ALPK1: variants seen among roughly 807,000 people sequenced by gnomAD.
The protein encoded by ALPK1 is alpha-protein kinase 1.
ALPK1 carries 110 observed loss-of-function variants against 120.6 expected under a neutral mutation model. That is an observed-to-expected ratio of 0.91 (90% CI 0.78 to 1.07). ALPK1 has a LOEUF of 1.07. ALPK1 is among the 50% of genes least tolerant of loss of function. The pLI is 0.00. For missense variants in ALPK1, 1,498 were observed against 1,483.9 expected (o/e 1.01, Z -0.16); for synonymous variants, 582 against 560.3 (o/e 1.04, Z -0.55).
Position 112,432,593 on chromosome 4 carries a change from C to G in ALPK1, c.3034+12C>G. The G allele has an allele frequency of 1.2e-6, 2 of 1,603,210 alleles. No individual in the cohort carries two copies. The highest frequency in any genetic ancestry group is 1.7e-6 in the Non-Finnish European group (2 of 1,176,682). On this transcript the variant is annotated intron_variant, in intron 11 of 15. Coordinates refer to ENST00000650871, the MANE Select transcript of ALPK1 (RefSeq NM_025144.4). ...CCACCGAGCACATAGTAAGTACAAT[C>G]TTTTCAATAGTTCCCCCCTCAGGAA... is the stretch of plus-strand genomic sequence containing the variant.
intron 1 of ALPK1, among the ~76,000 whole-genome samples, chr4:112,304,554 A>G (rs559634103): frequency 9.2e-5 from 14 of 152,208 alleles, no homozygotes; most frequent in Non-Finnish European, 4.4e-5. Flanking sequence ...TCTTCTTTTG[A>G]GAAGAGTCTG....
chr4:112,392,151 A>G (rs112855497), intron 4 of ALPK1, among the ~76,000 whole-genome samples: 8 of 152,310 alleles, frequency 5.3e-5, no homozygotes, highest in African/African-American at 1.9e-4. Context: ...TACAGTCAAG[A>G]GCCCACTAAA....
intron 2 of ALPK1, among the ~76,000 whole-genome samples, chr4:112,365,675 C>T (rs1172888019): frequency 6.6e-6 from 1 of 152,042 alleles, no homozygotes; most frequent in Non-Finnish European, 1.5e-5. Context: ...CAAAATACTG[C>T]CATCATTCTT....
intron 2 of ALPK1, among the ~76,000 whole-genome samples, chr4:112,339,567 T>G (rs1729769351): frequency 6.6e-6 from 1 of 152,240 alleles, no homozygotes; most frequent in African/African-American, 2.4e-5. Context: ...ATTAAAGGAA[T>G]GTCATCAGTA....
intron 13 of ALPK1, 145 bp downstream of exon 13, chr4:112,438,791 G>C: frequency 1.1e-6 from 1 of 872,070 alleles, no homozygotes; most frequent in Non-Finnish European, 1.7e-6. Context: ...AAGAGAGAAA[G>C]AACCCTAAAG....
At chr4:112,364,249 A>G (rs2065566287) in intron 2 of ALPK1, among the ~76,000 whole-genome samples, 3 of 151,398 alleles carry the variant, frequency 2.0e-5, no homozygotes, top group African/African-American at 7.3e-5. Context: ...ATATATTTAT[A>G]TACAAAAAAT....
rs116492862 is a variant in ALPK1 at position 112,299,048 on chromosome 4, A to G, written c.-153+1579A>G. On this transcript the variant is annotated intron_variant, in intron 1 of 15. Coordinates refer to ENST00000650871, the MANE Select transcript of ALPK1 (RefSeq NM_025144.4). ...AGAACTCTTAAAGGAATGAGCATTTAAACTTTTGGTGAAAATATATTCCAT... is the reference window on the plus strand; with the variant it reads ...AGAACTCTTAAAGGAATGAGCATTTGAACTTTTGGTGAAAATATATTCCAT... Among the ~76,000 whole-genome samples the G allele has an allele frequency of 1.9e-3, 283 of 152,276 alleles. 2 individuals are homozygous for G. Among genetic ancestry groups the G allele is most frequent in the African/African-American group, 6.5e-3 (270 of 41,568 alleles).
intron 7 of ALPK1, chr4:112,426,234 A>G (rs1465707401): frequency 6.8e-6 from 2 of 293,978 alleles, no homozygotes; most frequent in East Asian, 6.0e-5. Flanking sequence ...CATATATTAC[A>G]CATATTATAT....
At chr4:112,364,621 A>G (rs1731059651) in intron 2 of ALPK1, among the ~76,000 whole-genome samples, 2 of 152,220 alleles carry the variant, frequency 1.3e-5, no homozygotes, top group Non-Finnish European at 2.9e-5. Context: ...GAATTCTATC[A>G]GACATGCAAA....
chr4:112,316,541 C>T (rs1728640652), intron 2 of ALPK1, among the ~76,000 whole-genome samples: 1 of 152,118 alleles, frequency 6.6e-6, no homozygotes, highest in African/African-American at 2.4e-5. Context: ...ATTGCTAGAT[C>T]ATATGGTAAT....
At chr4:112,329,418 G>A (rs1729261922) in intron 2 of ALPK1, among the ~76,000 whole-genome samples, 1 of 152,166 alleles carries the variant, frequency 6.6e-6, no homozygotes, top group African/African-American at 2.4e-5. Context: ...TACAATGTTT[G>A]TGTTCACTGA....
intron 1 of ALPK1, among the ~76,000 whole-genome samples, chr4:112,306,512 T>C (rs1490917878): frequency 2.6e-5 from 4 of 152,152 alleles, no homozygotes; most frequent in Admixed American, 1.3e-4. Flanking sequence ...ATCCATTTCT[T>C]CTAGATTTTC....
chr4:112,317,359 T>C (rs374554904), intron 2 of ALPK1, among the ~76,000 whole-genome samples: 70 of 152,306 alleles, frequency 4.6e-4, no homozygotes, highest in African/African-American at 1.4e-3. Context: ...CTAAGAGTTT[T>C]CTAGTTTTAA....
chr4:112,301,527 T>G (rs896920167), intron 1 of ALPK1, among the ~76,000 whole-genome samples: 1 of 152,154 alleles, frequency 6.6e-6, no homozygotes, highest in African/African-American at 2.4e-5. Flanking sequence ...TTCTGCTCTT[T>G]CTAGCTCTCT....
At chr4:112,348,735 G>A (rs901796485) in intron 2 of ALPK1, among the ~76,000 whole-genome samples, 2 of 152,240 alleles carry the variant, frequency 1.3e-5, no homozygotes, top group Admixed American at 1.3e-4. Flanking sequence ...ACATGAACAC[G>A]CTGTGTGAAT....
At chr4:112,321,756 A>C (rs1347972002) in intron 2 of ALPK1, among the ~76,000 whole-genome samples, 2 of 152,242 alleles carry the variant, frequency 1.3e-5, no homozygotes, top group African/African-American at 4.8e-5. Flanking sequence ...ATGGATCTTT[A>C]CTGAAATGAA....
At chr4:112,386,712 C>T (rs1469526159) in intron 4 of ALPK1, among the ~76,000 whole-genome samples, 1 of 152,186 alleles carries the variant, frequency 6.6e-6, no homozygotes, top group East Asian at 1.9e-4. Flanking sequence ...ATTTCATCTT[C>T]ATCGGTAATT....
intron 2 of ALPK1, chr4:112,352,822 TA>T (rs1469765700): frequency 3.9e-5 from 6 of 152,228 alleles, no homozygotes; most frequent in South Asian, 2.1e-4. Flanking sequence ...TTGTTATATG[TA>T]ACCATAAGTT....
intron 2 of ALPK1, among the ~76,000 whole-genome samples, chr4:112,322,631 A>G (rs1266642853): frequency 6.6e-6 from 1 of 152,240 alleles, no homozygotes; most frequent in Non-Finnish European, 1.5e-5. Context: ...GAAGACAGAT[A>G]TTAAACAAAG....
Sources: allele counts gnomAD v4.1 joint callset (sites outside exome capture counted in the v4.1 genomes callset), GRCh38; gene constraint gnomAD v4.1.1; transcripts MANE v1.5; gene names NCBI Gene and HGNC (gene_info 2026-07-23, HGNC 2026-07-21).